Variants in NEXMIF observed in about 807,000 individuals in gnomAD.
The protein encoded by NEXMIF is XLMR protein related to neurite extension.
A neutral mutation model predicts 62.1 loss-of-function variants in NEXMIF; 8 were observed. That is an observed-to-expected ratio of 0.13 (90% CI 0.08 to 0.23). NEXMIF has a LOEUF of 0.23. NEXMIF is among the 10% of genes least tolerant of loss of function. The probability of loss-of-function intolerance (pLI) is 1.00; values close to 1 mark genes in which losing one functional copy is unlikely to be tolerated. For synonymous variants in NEXMIF, 404 were observed against 416.6 expected (o/e 0.97, Z 0.37); for missense variants, 976 against 1,113.3 (o/e 0.88, Z 1.75).
chrX:74,898,613 G>A (rs760950649), intron 1 of NEXMIF, among the ~76,000 whole-genome samples: 2 of 111,807 alleles, frequency 1.8e-5, no homozygotes, highest in East Asian at 5.6e-4. Context: ...CTTGGAATAT[G>A]TTAATAATAG....
At chrX:74,754,570 G>A (rs936828372) in intron 1 of NEXMIF, among the ~76,000 whole-genome samples, 5 of 110,527 alleles carry the variant, frequency 4.5e-5, no homozygotes, top group Non-Finnish European at 9.4e-5. Context: ...GCCTCCCAAA[G>A]TGCTAGGATT....
chrX:74,824,611 C>A (rs1172667537), intron 1 of NEXMIF, among the ~76,000 whole-genome samples: 1 of 110,391 alleles, frequency 9.1e-6, no homozygotes, highest in Non-Finnish European at 1.9e-5. Context: ...GGTAAATACC[C>A]AGAAGTGGGA....
intron 1 of NEXMIF, among the ~76,000 whole-genome samples, chrX:74,763,651 G>A (rs1475007799): frequency 1.8e-5 from 2 of 111,304 alleles, no homozygotes; most frequent in Non-Finnish European, 3.8e-5. Flanking sequence ...GTTGAGCAGT[G>A]GTTTGTAGTT....
intron 1 of NEXMIF, among the ~76,000 whole-genome samples, chrX:74,829,790 T>G (rs2080429980): frequency 8.9e-6 from 1 of 112,017 alleles, no homozygotes; most frequent in African/African-American, 3.2e-5. Context: ...TTTGATCATC[T>G]CTGATGATCA....
intron 1 of NEXMIF, among the ~76,000 whole-genome samples, chrX:74,924,406 G>C: frequency 8.8e-6 from 1 of 113,072 alleles, no homozygotes; most frequent in Non-Finnish European, 1.9e-5. Context: ...TGGTCGCCAC[G>C]GCCGCCCGGC....
intron 1 of NEXMIF, among the ~76,000 whole-genome samples, chrX:74,841,046 A>G (rs1392565591): frequency 8.9e-6 from 1 of 111,938 alleles, no homozygotes; most frequent in Non-Finnish European, 1.9e-5. Context: ...ATAGGAATAG[A>G]ATTGAATCTG....
intron 1 of NEXMIF, among the ~76,000 whole-genome samples, chrX:74,781,079 A>G (rs1487247951): frequency 8.9e-6 from 1 of 112,350 alleles, no homozygotes; most frequent in Non-Finnish European, 1.9e-5. Context: ...TGGTCCTTCC[A>G]TTATTCCACA....
rs762973583 is a variant in NEXMIF, at chrX:74,740,250, G to A, written c.4307C>T (p.Thr1436Ile). ...GTGTGTCGGTCCGTTATTGCCTAAA[G>A]TGCTCATGTTACTATACTTTTTATC... ...FFDKKYSNMS[T>I]LGNNGPTHKK... The change falls in exon 3 of 4, where the codon ACT (threonine) becomes ATT (isoleucine). Residue 1436 changes from threonine (T) to isoleucine (I), a missense_variant. This residue lies in a region of NEXMIF where 137 missense variants were observed against 128.9 expected (regional missense o/e 1.06). Coordinates refer to ENST00000055682, the MANE Select transcript of NEXMIF (RefSeq NM_001008537.3). The A allele has an allele frequency of 8.3e-7, 1 of 1,211,562 alleles. No individual in the cohort carries two copies. Among genetic ancestry groups the A allele is most frequent in the Non-Finnish European group, 1.1e-6 (1 of 895,522 alleles).
chrX:74,817,836 C>A (rs189531915), intron 1 of NEXMIF, among the ~76,000 whole-genome samples: 17 of 111,103 alleles, frequency 1.5e-4, no homozygotes, highest in African/African-American at 4.9e-4. Context: ...GAAATATTAA[C>A]TTTCAGTCTG....
intron 1 of NEXMIF, among the ~76,000 whole-genome samples, chrX:74,833,114 A>G (rs1182658858): frequency 1.8e-5 from 2 of 112,512 alleles, no homozygotes; most frequent in Non-Finnish European, 3.8e-5. Flanking sequence ...TTCTGTAAAT[A>G]TCTATTAGGT....
chrX:74,873,847 T>C, intron 1 of NEXMIF, among the ~76,000 whole-genome samples: 1 of 111,683 alleles, frequency 9.0e-6, no homozygotes, highest in Non-Finnish European at 1.9e-5. Flanking sequence ...TTGTTTGTTT[T>C]TTTCTTGTAA....
intron 1 of NEXMIF, among the ~76,000 whole-genome samples, chrX:74,795,516 T>A (rs1303894606): frequency 9.0e-6 from 1 of 111,518 alleles, no homozygotes; most frequent in Non-Finnish European, 1.9e-5. Flanking sequence ...TTATCAGTAG[T>A]TTCTGAATAT....
intron 1 of NEXMIF, among the ~76,000 whole-genome samples, chrX:74,830,644 C>T (rs1227636520): frequency 8.9e-6 from 1 of 111,865 alleles, no homozygotes. Flanking sequence ...GCTTTGGGTA[C>T]TACAAACATT....
At chrX:74,895,846 A>C (rs1415850706) in intron 1 of NEXMIF, among the ~76,000 whole-genome samples, 1 of 110,154 alleles carries the variant, frequency 9.1e-6, no homozygotes, top group Non-Finnish European at 1.9e-5. Context: ...AAAAAAAAAA[A>C]AAACATAGAA....
intron 1 of NEXMIF, among the ~76,000 whole-genome samples, chrX:74,862,607 T>C (rs1046934192): frequency 9.0e-6 from 1 of 111,361 alleles, no homozygotes; most frequent in Non-Finnish European, 1.9e-5. Flanking sequence ...CCTCAGCAAA[T>C]GCAAAAGGAC....
rs981956044 is a variant in NEXMIF at position 74,817,441 on chromosome X, A to G, written c.-47-71744T>C. ...ATCATTTATGAATAGTGAAAAAAATACACTAAAGTTCTTTAAATACAGTCC... is the reference window on the plus strand; with the variant it reads ...ATCATTTATGAATAGTGAAAAAAATGCACTAAAGTTCTTTAAATACAGTCC... On this transcript the variant is annotated intron_variant, in intron 1 of 3. Transcript: ENST00000055682. Among the ~76,000 whole-genome samples the G allele has an allele frequency of 4.5e-5, 5 of 111,830 alleles. No homozygotes were observed. In the Admixed American group the frequency reaches 4.8e-4, roughly 11 times the overall value.
intron 1 of NEXMIF, among the ~76,000 whole-genome samples, chrX:74,761,113 G>A (rs1181260791): frequency 9.1e-6 from 1 of 109,800 alleles, no homozygotes; most frequent in African/African-American, 3.3e-5. Flanking sequence ...CAAGTGATCC[G>A]CCCGCCTCGG....
At chrX:74,787,143 C>A (rs2080263371) in intron 1 of NEXMIF, among the ~76,000 whole-genome samples, 1 of 104,188 alleles carries the variant, frequency 9.6e-6, no homozygotes, top group East Asian at 3.0e-4. Context: ...ATTAGCCAGG[C>A]GTGGTGGTGG....
intron 1 of NEXMIF, among the ~76,000 whole-genome samples, chrX:74,869,555 A>G (rs2080592630): frequency 1.8e-5 from 2 of 112,021 alleles, no homozygotes; most frequent in South Asian, 7.3e-4. Flanking sequence ...AGATGATATG[A>G]TCTTATATTT....
Sources: gnomAD v4.1 joint callset for allele counts (sites outside exome capture counted in the v4.1 genomes callset) on GRCh38, gnomAD v4.1.1 for gene constraint, gnomAD v4.1.1 regional missense constraint, MANE v1.5 for transcripts, NCBI Gene and HGNC (gene_info 2026-07-23, HGNC 2026-07-21) for gene names.